Variants in MYCT1 observed in about 807,000 individuals in gnomAD.
The protein encoded by MYCT1 is MYC target 1.
A neutral mutation model predicts 15.0 loss-of-function variants in MYCT1; 12 were observed. That is an observed-to-expected ratio of 0.80 (90% CI 0.51 to 1.29). The LOEUF is 1.29. Among genes scored for constraint, MYCT1 ranks in the 50% most tolerant of loss-of-function variants. The pLI, the probability that MYCT1 is intolerant of heterozygous loss-of-function variation, is 0.00. For missense variants in MYCT1, 287 were observed against 279.1 expected, an observed-to-expected ratio of 1.03 and a Z score of -0.20; for synonymous variants, 104 against 102.7, an observed-to-expected ratio of 1.01 and a Z score of -0.07.
Position 152,722,203 on chromosome 6 carries a change from C to T in MYCT1, c.658C>T (p.Pro220Ser). Residue 220 changes from proline to serine, a missense_variant, in exon 2 of 2, where the codon CCG becomes TCG. Pro to Ser is a moderately conservative substitution (Grantham distance 74, BLOSUM62 -1). Coordinates refer to ENST00000367245, the MANE Select transcript of MYCT1 (RefSeq NM_025107.3). ...CAGTCTTCGAGTGGGCCTTTCAACACCGCCCCCACCTGCCTATGAGTCCAT... is the reference window on the plus strand; with the variant it reads ...CAGTCTTCGAGTGGGCCTTTCAACATCGCCCCCACCTGCCTATGAGTCCAT... ...SNSLRVGLST[P>S]PPPAYESIIK... 6.2e-7 allele frequency: 1 copy of T among 1,614,162 alleles called. No homozygotes were observed. Among genetic ancestry groups the T allele is most frequent in the Non-Finnish European group, 8.5e-7 (1 of 1,180,020 alleles).
chr6:152,721,723 T>C lies in MYCT1; in HGVS notation c.197-19T>C. 6.3e-7 allele frequency: 1 copy of C among 1,591,922 alleles called. No individual in the cohort carries two copies. The highest frequency in any genetic ancestry group is 8.6e-7 in the Non-Finnish European group (1 of 1,168,954). On this transcript the variant is annotated intron_variant, in intron 1 of 1. Transcript: ENST00000367245. The stretch of plus-strand genomic sequence containing the variant: ...ACCTATTTAAAAATTGATTTAGCAA[T>C]TTGTTTTCTTTGTTTCAGAGGACCT...
chr6:152,719,186 A>G (rs1364084198), intron 1 of MYCT1, among the ~76,000 whole-genome samples: 1 of 152,204 alleles, frequency 6.6e-6, no homozygotes, highest in Non-Finnish European at 1.5e-5. Context: ...AGTCTCCACT[A>G]AAGGCTATTG....
At chr6:152,743,553 C>T in the MYCT1 span, among the ~76,000 whole-genome samples, 4 of 152,228 alleles carry the variant, frequency 2.6e-5, no homozygotes, top group Admixed American at 6.5e-5. Flanking sequence ...CATCACTACA[C>T]ATTGCTCAAC....
the MYCT1 span, among the ~76,000 whole-genome samples, chr6:152,735,900 CT>C: frequency 1.6e-4 from 24 of 151,946 alleles, no homozygotes; most frequent in Non-Finnish European, 1.0e-4. Flanking sequence ...GAAAAAAGCC[CT>C]TTTTTTCTTC....
chr6:152,702,797 A>G (rs1380681149), intron 1 of MYCT1, among the ~76,000 whole-genome samples: 2 of 152,212 alleles, frequency 1.3e-5, no homozygotes, highest in Non-Finnish European at 2.9e-5. Context: ...TTAATAGTCT[A>G]TTCATTAGTT....
At chr6:152,728,917 T>C (rs943322739), downstream of MYCT1, among the ~76,000 whole-genome samples, 3 of 152,026 alleles carry the variant, frequency 2.0e-5, no homozygotes, top group African/African-American at 7.3e-5. Context: ...AATAAATAGA[T>C]AATAAATTAA....
intron 1 of MYCT1, among the ~76,000 whole-genome samples, chr6:152,706,547 A>C (rs2099722303): frequency 1.3e-5 from 2 of 152,250 alleles, no homozygotes; most frequent in South Asian, 4.1e-4. Context: ...AAGTAGACAA[A>C]TATCCAATTA....
intron 1 of MYCT1, among the ~76,000 whole-genome samples, chr6:152,706,956 A>G (rs981063601): frequency 6.6e-5 from 10 of 151,968 alleles, no homozygotes; most frequent in South Asian, 4.1e-4. Flanking sequence ...CATTGTGACA[A>G]TGCTGCAATG....
intron 1 of MYCT1, among the ~76,000 whole-genome samples, chr6:152,701,926 G>A (rs2099721393): frequency 6.6e-6 from 1 of 152,092 alleles, no homozygotes; most frequent in Non-Finnish European, 1.5e-5. Flanking sequence ...GGCTACATCA[G>A]GTGCCCTTGG....
rs1024083143 is a variant in MYCT1 at position 152,724,516 on chromosome 6, T to C, written c.*2263T>C. ...CAAAAACTGGAGACTTTTAATGTAT[T>C]TCTTTAATTTGAAATGTTTTGTGGA... On this transcript the variant is annotated 3_prime_UTR_variant, in exon 2 of 2. Transcript: ENST00000367245. 6.6e-6 allele frequency: 1 copy of C among 152,198 alleles called. No homozygotes were observed. 9.4% of individuals were successfully genotyped at this position (152,198 alleles called of 1,614,324 possible).
intron 1 of MYCT1, among the ~76,000 whole-genome samples, chr6:152,698,396 TAGTG>T (rs2099720776): frequency 6.6e-6 from 1 of 151,978 alleles, no homozygotes; most frequent in Admixed American, 6.6e-5. Context: ...AATTAGGAAA[TAGTG>T]AGGATAAAAA....
chr6:152,717,724 GTCTT>G (rs1445652084), intron 1 of MYCT1, among the ~76,000 whole-genome samples: 1 of 152,112 alleles, frequency 6.6e-6, no homozygotes, highest in Non-Finnish European at 1.5e-5. Flanking sequence ...TCTCAGGTAT[GTCTT>G]TATCAGCAGC....
chr6:152,700,001 A>G (rs559129806), intron 1 of MYCT1, among the ~76,000 whole-genome samples: 9 of 152,306 alleles, frequency 5.9e-5, no homozygotes, highest in Admixed American at 2.0e-4. Context: ...ATTGATAAAC[A>G]TTAACAAAGC....
the MYCT1 span, among the ~76,000 whole-genome samples, chr6:152,739,600 GT>G: frequency 6.6e-6 from 1 of 151,732 alleles, no homozygotes; most frequent in Non-Finnish European, 1.5e-5. Context: ...ATCATTTTAA[GT>G]TTTTATTGCA....
chr6:152,698,068 T>G lies in MYCT1; in HGVS notation c.166T>G (p.Leu56Val). 6.3e-7 allele frequency: 1 copy of G among 1,586,822 alleles called. No homozygotes were observed. The highest frequency in any genetic ancestry group is 8.5e-7 in the Non-Finnish European group (1 of 1,171,354). Residue 56 changes from leucine (L) to valine (V), a missense_variant, in exon 1 of 2, where the codon TTA (leucine) becomes GTA (valine). Leu to Val is a conservative substitution (Grantham distance 32, BLOSUM62 1). Transcript: ENST00000367245. ...TATTATGGCTAATAACACAACAAGT[T>G]TAGGGAGTCCATGGCCAGAAAACTT... Reference protein sequence around the residue: ...VDIMANNTTSLGSPWPENFWE... With the variant: ...VDIMANNTTSVGSPWPENFWE...
intron 1 of MYCT1, among the ~76,000 whole-genome samples, chr6:152,707,192 G>A (rs550122672): frequency 1.3e-5 from 2 of 151,938 alleles, no homozygotes; most frequent in South Asian, 4.2e-4. Flanking sequence ...TTGATAATAG[G>A]CATTTTGGCA....
At chr6:152,734,605 A>G in the MYCT1 span, among the ~76,000 whole-genome samples, 1 of 152,218 alleles carries the variant, frequency 6.6e-6, no homozygotes. Flanking sequence ...TCCACAGATT[A>G]TAACTCATGG....
intron 1 of MYCT1, among the ~76,000 whole-genome samples, chr6:152,714,068 T>G (rs376131086): frequency 4.6e-5 from 7 of 152,050 alleles, no homozygotes; most frequent in African/African-American, 1.7e-4. Flanking sequence ...AAAAGCTGAT[T>G]TGGAATCCTA....
the MYCT1 span, among the ~76,000 whole-genome samples, chr6:152,741,691 A>G: frequency 6.6e-6 from 1 of 152,196 alleles, no homozygotes; most frequent in Non-Finnish European, 1.5e-5. Flanking sequence ...TCTGTTGTGA[A>G]GTTACACTAT....
Sources: allele counts gnomAD v4.1 joint callset (sites outside exome capture counted in the v4.1 genomes callset), GRCh38; gene constraint gnomAD v4.1.1; transcripts MANE v1.5; gene names NCBI Gene and HGNC (gene_info 2026-07-23, HGNC 2026-07-21).